Variants in RIN2 observed in about 807,000 individuals in gnomAD.
The protein encoded by RIN2 is Ras and Rab interactor 2.
A neutral mutation model predicts 78.0 loss-of-function variants in RIN2; 36 were observed. That is an observed-to-expected ratio of 0.46 (90% CI 0.35 to 0.61). The LOEUF (loss-of-function observed/expected upper bound fraction) is 0.61, where lower values mean the gene tolerates loss of function less well. RIN2 is among the 20% of genes least tolerant of loss of function. RIN2 has a pLI of 0.00. For missense variants in RIN2, 1,087 were observed against 1,159.7 expected (o/e 0.94, Z 0.91); for synonymous variants, 466 against 466.8 (o/e 1.00, Z 0.02).
At chr20:19,907,065 T>G (rs1336945805) in intron 3 of RIN2, among the ~76,000 whole-genome samples, 2 of 151,894 alleles carry the variant, frequency 1.3e-5, no homozygotes, top group Admixed American at 1.3e-4. Context: ...CGTCATTCCA[T>G]GGTGGAAGGT....
chr20:19,799,088 A>G (rs1240853640), intron 1 of RIN2, among the ~76,000 whole-genome samples: 2 of 151,988 alleles, frequency 1.3e-5, no homozygotes, highest in African/African-American at 4.8e-5. Context: ...TTTGGTAGAG[A>G]CGGGATTTCA....
intron 2 of RIN2, among the ~76,000 whole-genome samples, chr20:19,873,120 TA>T (rs1265489610): frequency 4.2e-5 from 6 of 141,996 alleles, no homozygotes; most frequent in African/African-American, 8.5e-5. Context: ...TTATTATTTT[TA>T]TTTTTATTTT....
intron 3 of RIN2, among the ~76,000 whole-genome samples, chr20:19,921,160 T>A (rs915522342): frequency 6.6e-5 from 10 of 152,090 alleles, no homozygotes; most frequent in Admixed American, 6.5e-5. Flanking sequence ...TTTGATCTCT[T>A]TTGTATGTTG....
intron 2 of RIN2, among the ~76,000 whole-genome samples, chr20:19,888,333 G>C (rs6046413): frequency 0.53 from 81,041 of 151,490 alleles, 21,927 homozygotes; most frequent in African/African-American, 0.65. Flanking sequence ...AAAAACCTTT[G>C]TGCAAAGATC....
At chr20:19,889,499 T>C in intron 2 of RIN2, 67 bp from the exon 3 acceptor site, 1 of 1,414,034 alleles carries the variant, frequency 7.1e-7, no homozygotes, top group Non-Finnish European at 9.7e-7. Context: ...TTGTTGTGAG[T>C]GTTCTGTGGC....
intron 3 of RIN2, among the ~76,000 whole-genome samples, chr20:19,912,944 T>C (rs1425947145): frequency 2.0e-5 from 3 of 152,198 alleles, no homozygotes; most frequent in Non-Finnish European, 4.4e-5. Flanking sequence ...GAGCGTGCGG[T>C]GCACAGGCTG....
At chr20:19,800,077 A>C (rs767993616) in intron 2 of RIN2, among the ~76,000 whole-genome samples, 6 of 152,226 alleles carry the variant, frequency 3.9e-5, no homozygotes, top group East Asian at 3.9e-4. Context: ...AATTATCACA[A>C]CACCACCACG....
At chr20:19,764,916 G>GTGTTTTTT (rs1568731017) in intron 1 of RIN2, among the ~76,000 whole-genome samples, 5 of 35,344 alleles carry the variant, frequency 1.4e-4, no homozygotes, top group Non-Finnish European at 2.0e-4. Flanking sequence ...TTCACTTTCT[G>GTGTTTTTT]CGTTTTTTTT....
intron 3 of RIN2, 41 bp downstream of exon 3, chr20:19,889,699 G>C (rs1260322857): frequency 7.1e-7 from 1 of 1,407,012 alleles, no homozygotes. Context: ...TCGTCGGCTT[G>C]CTGCCTGAGC....
intron 3 of RIN2, among the ~76,000 whole-genome samples, chr20:19,894,091 A>C (rs1463576992): frequency 6.6e-6 from 1 of 152,024 alleles, no homozygotes; most frequent in African/African-American, 2.4e-5. Flanking sequence ...CAAAAACAAC[A>C]ACAAAACACG....
chr20:19,910,635 C>T (rs2039423668), intron 3 of RIN2, among the ~76,000 whole-genome samples: 1 of 146,588 alleles, frequency 6.8e-6, no homozygotes, highest in Admixed American at 7.0e-5. Context: ...GTGGCGCAGT[C>T]TCGGCTCACT....
At chr20:19,794,252 A>T (rs1038247937) in intron 1 of RIN2, among the ~76,000 whole-genome samples, 1 of 152,190 alleles carries the variant, frequency 6.6e-6, no homozygotes, top group African/African-American at 2.4e-5. Context: ...GCATGTGCAA[A>T]TCTTCAAAAA....
At chr20:19,904,963 A>G (rs977512703) in intron 3 of RIN2, among the ~76,000 whole-genome samples, 1 of 152,098 alleles carries the variant, frequency 6.6e-6, no homozygotes, top group Non-Finnish European at 1.5e-5. Flanking sequence ...CAGCTCTCTC[A>G]AATTGAGGTA....
At chr20:19,905,843 G>A (rs56188312) in intron 3 of RIN2, among the ~76,000 whole-genome samples, 2 of 152,248 alleles carry the variant, frequency 1.3e-5, no homozygotes, top group Non-Finnish European at 2.9e-5. Flanking sequence ...GTTGCTACAG[G>A]GACTGTATTG....
rs1215055236 is a variant in RIN2, at chr20:19,964,998, G to T, written c.510G>T (p.Arg170=). 1 of 1,613,454 alleles carries T rather than the reference G, an allele frequency of 6.2e-7. No homozygotes were observed. Among genetic ancestry groups the T allele is most frequent in the Non-Finnish European group, 8.5e-7 (1 of 1,179,782 alleles). The change falls in exon 7 of 13, where the codon CGG becomes CGT. Residue 170 remains arginine, a synonymous_variant. Coordinates refer to ENST00000255006, the MANE Select transcript of RIN2 (RefSeq NM_018993.4). ...GAATCAGTTTCGCAGATTTATTCCG[G>T]CTCATTGCTTTCTACTGCATCAGCA... is the stretch of plus-strand genomic sequence containing the variant. The part of the protein sequence containing the change: ...GSGISFADLF[R]LIAFYCISRD...
chr20:19,789,075 A>G (rs1378696055), intron 1 of RIN2, among the ~76,000 whole-genome samples: 1 of 152,260 alleles, frequency 6.6e-6, no homozygotes, highest in African/African-American at 2.4e-5. Flanking sequence ...AAATAGGTAA[A>G]TGGAACAGAA....
At chr20:19,830,185 C>G (rs1264433411) in intron 2 of RIN2, among the ~76,000 whole-genome samples, 1 of 152,056 alleles carries the variant, frequency 6.6e-6, no homozygotes, top group Non-Finnish European at 1.5e-5. Flanking sequence ...TTTATGAAAC[C>G]ATTTGTTTTT....
At chr20:19,945,231 G>A (rs1007918233) in intron 4 of RIN2, among the ~76,000 whole-genome samples, 6 of 152,272 alleles carry the variant, frequency 3.9e-5, no homozygotes, top group African/African-American at 7.2e-5. Flanking sequence ...CCACCTAACC[G>A]CTGAAGATTA....
At chr20:19,844,691 CCT>C (rs1491335943) in intron 2 of RIN2, among the ~76,000 whole-genome samples, 2 of 15,118 alleles carry the variant, frequency 1.3e-4, no homozygotes, top group African/African-American at 3.6e-4. Context: ...TCTTCCTCTT[CCT>C]CTTCCTCTTC....
Sources: gnomAD v4.1 joint callset for allele counts (sites outside exome capture counted in the v4.1 genomes callset) on GRCh38, gnomAD v4.1.1 for gene constraint, MANE v1.5 for transcripts, NCBI Gene and HGNC (gene_info 2026-07-23, HGNC 2026-07-21) for gene names.